KYAT3: variants seen among roughly 807,000 people sequenced by gnomAD.
The protein encoded by KYAT3 is kynurenine--oxoglutarate transaminase 3.
In KYAT3, 50 loss-of-function variants were observed where a neutral mutation model predicts 59.0. The observed-to-expected ratio is 0.85, with a 90% CI of 0.68 to 1.07. The LOEUF (loss-of-function observed/expected upper bound fraction) is 1.07, where lower values mean the gene tolerates loss of function less well. Among genes scored for constraint, KYAT3 ranks in the 50% least tolerant of loss-of-function variants. KYAT3 has a pLI of 0.00. For missense variants in KYAT3, 497 were observed against 533.3 expected (o/e 0.93, Z 0.67); for synonymous variants, 148 against 177.0 (o/e 0.84, Z 1.30).
At chr1:88,978,281 A>G (rs1287485785) in intron 2 of KYAT3, among the ~76,000 whole-genome samples, 1 of 152,008 alleles carries the variant, frequency 6.6e-6, no homozygotes, top group African/African-American at 2.4e-5. Flanking sequence ...CTTTCCTGCT[A>G]TAAAATTGTG....
At chr1:88,979,228 C>T (rs1676951154) in intron 2 of KYAT3, among the ~76,000 whole-genome samples, 1 of 152,136 alleles carries the variant, frequency 6.6e-6, no homozygotes, top group South Asian at 2.1e-4. Context: ...TCCATTTGTA[C>T]CCATTATCTC....
intron 2 of KYAT3, chr1:88,983,552 C>T: frequency 1.2e-6 from 2 of 1,614,246 alleles, no homozygotes; most frequent in South Asian, 1.1e-5. Context: ...TCCATGTCTA[C>T]CTCTTTCAAA....
At chr1:88,921,766 C>T in the KYAT3 span, among the ~76,000 whole-genome samples, 5 of 152,114 alleles carry the variant, frequency 3.3e-5, no homozygotes, top group African/African-American at 4.8e-5. Context: ...GCTGGAGACT[C>T]AAGAAGAGCC....
chr1:88,930,560 G>A, the KYAT3 span, among the ~76,000 whole-genome samples: 7 of 152,194 alleles, frequency 4.6e-5, no homozygotes, highest in African/African-American at 1.4e-4. Context: ...GTATGCAGTG[G>A]TCAGTGGTAA....
chr1:88,963,225 G>A (rs1010498986), intron 5 of KYAT3, among the ~76,000 whole-genome samples: 1 of 152,086 alleles, frequency 6.6e-6, no homozygotes. Context: ...AGTTGATGAA[G>A]GAAGAAAGAA....
In KYAT3 at chr1:88,943,084, G is replaced by A. The variant is rs1322419220; in HGVS notation, c.1223C>T (p.Ser408Leu). The A allele has an allele frequency of 6.2e-7, 1 of 1,607,448 alleles. No individual in the cohort carries two copies. Among genetic ancestry groups the A allele is most frequent in the South Asian group, 1.1e-5 (1 of 90,292 alleles). The change falls in exon 13 of 14, where the codon TCA becomes TTA. Residue 408 changes from serine to leucine, a missense_variant. Ser to Leu is a moderately radical substitution (Grantham distance 145, BLOSUM62 -2). Transcript: ENST00000260508. ...ACAGAATGCTGAAACGGGGATGGCT[G>A]ATAGTTTCTGAAAAATAAATAGAAA... The part of the protein sequence containing the change: ...VKWMTKHKKL[S>L]AIPVSAFCNS...
intron 4 of KYAT3, among the ~76,000 whole-genome samples, chr1:88,966,733 C>T (rs1676365342): frequency 6.6e-6 from 1 of 152,038 alleles, no homozygotes; most frequent in African/African-American, 2.4e-5. Flanking sequence ...GACTCCAGTA[C>T]ACTGATGAAT....
chr1:88,934,710 C>T (rs570644301), downstream of KYAT3, among the ~76,000 whole-genome samples: 1 of 152,192 alleles, frequency 6.6e-6, no homozygotes, highest in African/African-American at 2.4e-5. Context: ...AAGTGATAGA[C>T]AATGAAGTCA....
At chr1:88,962,439 G>A (rs1676182859) in intron 5 of KYAT3, among the ~76,000 whole-genome samples, 1 of 152,184 alleles carries the variant, frequency 6.6e-6, no homozygotes, top group African/African-American at 2.4e-5. Flanking sequence ...TTTACCTGGA[G>A]AATGGGACTA....
the KYAT3 span, among the ~76,000 whole-genome samples, chr1:88,927,223 C>T: frequency 4.6e-5 from 7 of 152,150 alleles, no homozygotes; most frequent in African/African-American, 1.7e-4. Context: ...ACATTCCCCC[C>T]AAGGCAAAAA....
chr1:88,961,466 G>A lies in KYAT3; in HGVS notation c.581C>T (p.Thr194Ile), dbSNP rs1454284116. 1.9e-6 allele frequency: 3 copies of A among 1,613,084 alleles called. No individual in the cohort carries two copies. The highest frequency in any genetic ancestry group is 1.7e-6 in the Non-Finnish European group (2 of 1,179,282). Reference sequence around the variant, plus strand: ...ACTTTCCAGTTCTTGAGGATCTAATGTCCAGTCAGAACTAGACCATCTTTT... The same window carrying A: ...ACTTTCCAGTTCTTGAGGATCTAATATCCAGTCAGAACTAGACCATCTTTT... ...YGKRWSSSDW[T>I]LDPQELESKF... Residue 194 changes from threonine (T) to isoleucine (I), a missense_variant, in exon 7 of 14, where the codon ACA becomes ATA. By Grantham distance (89) the Thr-to-Ile change is moderately conservative. Coordinates refer to ENST00000260508, the MANE Select transcript of KYAT3 (RefSeq NM_001008661.3).
intron 1 of KYAT3, among the ~76,000 whole-genome samples, chr1:88,992,119 C>CA (rs1677838904): frequency 6.6e-6 from 1 of 151,958 alleles, no homozygotes; most frequent in South Asian, 2.1e-4. Context: ...GCTGGGACTA[C>CA]AGGCGCCCGC....
chr1:88,983,264 T>C, intron 2 of KYAT3: 1 of 1,613,652 alleles, frequency 6.2e-7, no homozygotes, highest in Non-Finnish European at 8.5e-7. Flanking sequence ...TCCATAACTA[T>C]CTCTTCCACG....
intron 2 of KYAT3, among the ~76,000 whole-genome samples, chr1:88,971,798 C>G (rs1452378913): frequency 6.6e-6 from 1 of 152,154 alleles, no homozygotes; most frequent in African/African-American, 2.4e-5. Context: ...CAAAAGCCTT[C>G]TTTGGTTCTA....
rs1470829052 is a variant in KYAT3 at position 88,935,864 on chromosome 1, A to C, written c.*319T>G. On this transcript the variant is annotated 3_prime_UTR_variant, in exon 14 of 14. Transcript: ENST00000260508. ...CTCAGAAACGACCTTCATATGAAAC[A>C]GGTACTGATTTTATTCCTATTTTAT... is the stretch of plus-strand genomic sequence containing the variant. 1 of 411,130 alleles carries C rather than the reference A, an allele frequency of 2.4e-6. No individual in the cohort carries two copies. The highest frequency in any genetic ancestry group is 2.0e-5 in the African/African-American group (1 of 49,248). 25.5% of individuals were successfully genotyped at this position (411,130 alleles called of 1,614,324 possible).
At chr1:88,987,487 C>A (rs534438171) in intron 2 of KYAT3, among the ~76,000 whole-genome samples, 2 of 152,024 alleles carry the variant, frequency 1.3e-5, no homozygotes, top group African/African-American at 4.8e-5. Flanking sequence ...AGGTTGAATA[C>A]AAAATTGTCA....
downstream of KYAT3, among the ~76,000 whole-genome samples, chr1:88,935,022 T>C (rs1674984810): frequency 6.7e-6 from 1 of 148,214 alleles, no homozygotes; most frequent in Non-Finnish European, 1.5e-5. Context: ...GAGATGGAGT[T>C]TCACTCTGTT....
chr1:88,926,767 C>G, the KYAT3 span, among the ~76,000 whole-genome samples: 1 of 152,184 alleles, frequency 6.6e-6, no homozygotes, highest in Non-Finnish European at 1.5e-5. Context: ...CTTAGCCGAG[C>G]CTTAAAGTAC....
chr1:88,961,725 A>T (rs1469108661), intron 6 of KYAT3, among the ~76,000 whole-genome samples: 1 of 152,246 alleles, frequency 6.6e-6, no homozygotes, highest in East Asian at 1.9e-4. Flanking sequence ...AGTTCTGCTT[A>T]AGAGCCTAAG....
Sources: allele counts gnomAD v4.1 joint callset (sites outside exome capture counted in the v4.1 genomes callset), GRCh38; gene constraint gnomAD v4.1.1; transcripts MANE v1.5; gene names NCBI Gene and HGNC (gene_info 2026-07-23, HGNC 2026-07-21).